The following FBLN5 variants were observed in gnomAD, a reference collection of about 807,000 sequenced individuals.
FBLN5 encodes the protein fibulin 5.
In FBLN5, 24 loss-of-function variants were observed where a neutral mutation model predicts 61.6. The observed-to-expected ratio is 0.39, with a 90% CI of 0.28 to 0.55. The LOEUF (loss-of-function observed/expected upper bound fraction) is 0.55, where lower values mean the gene tolerates loss of function less well. Ranked by LOEUF, FBLN5 falls within the 20% of genes least tolerant of loss-of-function variation. The probability of loss-of-function intolerance (pLI) is 0.65; values close to 1 mark genes in which losing one functional copy is unlikely to be tolerated. For synonymous variants in FBLN5, 213 were observed against 219.8 expected, an observed-to-expected ratio of 0.97 and a Z score of 0.27; for missense variants, 470 against 594.1, an observed-to-expected ratio of 0.79 and a Z score of 2.17.
intron 4 of FBLN5, among the ~76,000 whole-genome samples, chr14:91,904,132 G>A (rs148593648): frequency 6.6e-5 from 10 of 152,250 alleles, no homozygotes; most frequent in African/African-American, 2.4e-4. Context: ...GGAACCTCCA[G>A]TTTCTTGAAA....
rs1191266825 is a variant in FBLN5 at position 91,869,501 on chromosome 14, A to G, written c.*723T>C. ...AGAAAGCAAGATTAAGGGGTCCTCAAAGAAAACACTGGGCTAAAATGGAGA... is the reference window on the plus strand; with the variant it reads ...AGAAAGCAAGATTAAGGGGTCCTCAGAGAAAACACTGGGCTAAAATGGAGA... On this transcript the variant is annotated 3_prime_UTR_variant, in exon 11 of 11. Coordinates refer to ENST00000342058, the MANE Select transcript of FBLN5 (RefSeq NM_006329.4). The G allele has an allele frequency of 6.6e-6, 1 of 152,536 alleles. No homozygotes were observed. Among genetic ancestry groups the G allele is most frequent in the Non-Finnish European group, 1.5e-5 (1 of 68,322 alleles). 9.4% of individuals were successfully genotyped at this position (152,536 alleles called of 1,614,324 possible).
chr14:91,886,450 T>A (rs1244077276), intron 7 of FBLN5, among the ~76,000 whole-genome samples: 1 of 152,120 alleles, frequency 6.6e-6, no homozygotes, highest in African/African-American at 2.4e-5. Flanking sequence ...AGAAAAAAAA[T>A]TTAACTTTCT....
intron 4 of FBLN5, among the ~76,000 whole-genome samples, chr14:91,906,199 T>G (rs1197567005): frequency 1.3e-5 from 2 of 152,200 alleles, no homozygotes; most frequent in South Asian, 4.1e-4. Flanking sequence ...ATGAACTTTT[T>G]GGTTACAGAC....
At chr14:91,934,332 C>T (rs2055977496) in intron 4 of FBLN5, among the ~76,000 whole-genome samples, 1 of 152,324 alleles carries the variant, frequency 6.6e-6, no homozygotes, top group Middle Eastern at 3.4e-3. Flanking sequence ...AATCATGGCT[C>T]GGCCCCTCAC....
chr14:91,903,032 A>G (rs540005624), intron 4 of FBLN5, among the ~76,000 whole-genome samples: 3 of 152,274 alleles, frequency 2.0e-5, no homozygotes, highest in East Asian at 3.9e-4. Context: ...GCATCACACA[A>G]AATACCTAGG....
intron 10 of FBLN5, among the ~76,000 whole-genome samples, chr14:91,871,641 G>A (rs1357156742): frequency 6.6e-6 from 1 of 152,142 alleles, no homozygotes; most frequent in African/African-American, 2.4e-5. Flanking sequence ...CGGATCACTT[G>A]AGGCCAGGAG....
Position 91,902,201 on chromosome 14 carries a change from T to C in FBLN5, c.380-7129A>G, listed in dbSNP as rs79665693. Reference sequence around the variant, plus strand: ...GAAACACATGTCCTCTTGAGCATCATGCATCAAGATGTCCTGAGAGGAAGG... The same window carrying C: ...GAAACACATGTCCTCTTGAGCATCACGCATCAAGATGTCCTGAGAGGAAGG... On this transcript the variant is annotated intron_variant, in intron 4 of 10. Coordinates refer to ENST00000342058, the MANE Select transcript of FBLN5 (RefSeq NM_006329.4). Among the ~76,000 whole-genome samples, 415 of 152,094 alleles carry C rather than the reference T, an allele frequency of 2.7e-3. 3 individuals carry two copies. The highest frequency in any genetic ancestry group is 9.0e-3 in the African/African-American group (375 of 41,466).
At position 91,882,966 on chromosome 14, in the gene FBLN5, G is replaced by T; in HGVS notation, c.850C>A (p.Arg284=). ...PPGYILLDDN[R]SCQDINECEH... ...CGGACAGCCTTACCTTGGCAGCTTC[G>T]GTTGTCATCCAGCAGGATGTAGCCT... The change falls in exon 8 of 11, where the codon CGA becomes AGA. Residue 284 remains arginine (R), a synonymous_variant. Coordinates refer to ENST00000342058, the MANE Select transcript of FBLN5 (RefSeq NM_006329.4). The surrounding 1 kb of genome is among the most constrained non-coding windows in gnomAD (Gnocchi z 4.9). 6.2e-7 allele frequency: 1 copy of T among 1,613,976 alleles called. No homozygotes were observed. Among genetic ancestry groups the T allele is most frequent in the Non-Finnish European group, 8.5e-7 (1 of 1,179,918 alleles).
At chr14:91,926,921 A>G (rs1045396674) in intron 4 of FBLN5, among the ~76,000 whole-genome samples, 5 of 152,138 alleles carry the variant, frequency 3.3e-5, no homozygotes, top group African/African-American at 4.8e-5. Flanking sequence ...TGTAGCTGGG[A>G]CACACTCAAA....
chr14:91,883,225 T>C (rs533869038), intron 7 of FBLN5, 149 bp from the exon 8 acceptor site: 10 of 827,400 alleles, frequency 1.2e-5, no homozygotes, highest in African/African-American at 8.3e-5. Flanking sequence ...CCAGCACTTC[T>C]AGCAATGGAG....
chr14:91,883,176 A>G, intron 7 of FBLN5, 100 bp from the exon 8 acceptor site: 1 of 1,376,600 alleles, frequency 7.3e-7, no homozygotes, highest in Non-Finnish European at 1.0e-6. Context: ...CTTGATACAT[A>G]CAATGGCTTT....
At chr14:91,938,055 G>A (rs567866305) in intron 3 of FBLN5, among the ~76,000 whole-genome samples, 3 of 152,266 alleles carry the variant, frequency 2.0e-5, no homozygotes, top group Admixed American at 2.0e-4. Context: ...AAGGATCCTC[G>A]TGTGCACATA....
chr14:91,933,943 C>G (rs2055970009), intron 4 of FBLN5, among the ~76,000 whole-genome samples: 1 of 152,076 alleles, frequency 6.6e-6, no homozygotes, highest in Admixed American at 6.5e-5. Context: ...AACCCTGTCT[C>G]TACCAAAAAA....
At chr14:91,877,939 G>T in intron 9 of FBLN5, 1 of 587,144 alleles carries the variant, frequency 1.7e-6, no homozygotes. Flanking sequence ...TTAGATCTCT[G>T]GTTTTCAGAA....
intron 7 of FBLN5, among the ~76,000 whole-genome samples, chr14:91,886,314 A>G (rs2430351): frequency 0.75 from 113,626 of 152,172 alleles, 42,566 homozygotes; most frequent in East Asian, 0.84. Context: ...GCAAGAAAGG[A>G]AAAGAGAGAG....
chr14:91,918,423 A>G (rs1452688322), intron 4 of FBLN5, among the ~76,000 whole-genome samples: 1 of 152,176 alleles, frequency 6.6e-6, no homozygotes, highest in African/African-American at 2.4e-5. Context: ...CGGAAGGAGG[A>G]GTATCCATAG....
At chr14:91,941,358 G>C in intron 2 of FBLN5, among the ~76,000 whole-genome samples, 1 of 152,144 alleles carries the variant, frequency 6.6e-6, no homozygotes, top group East Asian at 1.9e-4. Flanking sequence ...CCAGAGGGTT[G>C]TAGCTTTTAC....
At chr14:91,917,151 T>G (rs1379426849) in intron 4 of FBLN5, among the ~76,000 whole-genome samples, 1 of 152,184 alleles carries the variant, frequency 6.6e-6, no homozygotes, top group Non-Finnish European at 1.5e-5. Flanking sequence ...GATCCTGCCC[T>G]GAGAATGAAG....
intron 1 of FBLN5, 38 bp from the exon 2 acceptor site, chr14:91,942,999 A>G (rs1490327275): frequency 1.4e-6 from 2 of 1,389,720 alleles, no homozygotes; most frequent in Admixed American, 2.0e-5. Flanking sequence ...TGCCCAAGAC[A>G]GATTCAGGTC....
Sources: gnomAD v4.1 joint callset for allele counts (sites outside exome capture counted in the v4.1 genomes callset) on GRCh38, gnomAD v4.1.1 for gene constraint, Gnocchi (gnomAD v3.1) non-coding constraint, MANE v1.5 for transcripts, NCBI Gene and HGNC (gene_info 2026-07-23, HGNC 2026-07-21) for gene names.